TMEM150C: variants seen among roughly 807,000 people sequenced by gnomAD.
The protein encoded by TMEM150C is transmembrane protein 150C, also known as tentonin 3.
A neutral mutation model predicts 29.9 loss-of-function variants in TMEM150C; 10 were observed. That is an observed-to-expected ratio of 0.33 (90% CI 0.21 to 0.57). The LOEUF is 0.57. TMEM150C is among the 20% of genes least tolerant of loss of function. The pLI, the probability that TMEM150C is intolerant of heterozygous loss-of-function variation, is 0.88. For missense variants in TMEM150C, 251 were observed against 303.6 expected (o/e 0.83, Z 1.29); for synonymous variants, 101 against 112.5 (o/e 0.90, Z 0.64).
chr4:82,515,130 T>G (rs1192695845), intron 1 of TMEM150C, among the ~76,000 whole-genome samples: 1 of 151,860 alleles, frequency 6.6e-6, no homozygotes, highest in Non-Finnish European at 1.5e-5. Context: ...GAGGTGACAC[T>G]AACTTAACAG....
At chr4:82,531,066 A>G (rs1724830635) in intron 1 of TMEM150C, among the ~76,000 whole-genome samples, 3 of 152,210 alleles carry the variant, frequency 2.0e-5, no homozygotes, top group South Asian at 4.1e-4. Flanking sequence ...TTGGGTGGCG[A>G]CACAGATCCA....
At position 82,561,946 on chromosome 4, in the gene TMEM150C, G is replaced by C; in HGVS notation, c.-51C>G. 9.1e-7 allele frequency: 1 copy of C among 1,095,022 alleles called. No individual in the cohort carries two copies. Among genetic ancestry groups the C allele is most frequent in the Non-Finnish European group, 1.1e-6 (1 of 894,910 alleles). 67.8% of individuals were successfully genotyped at this position (1,095,022 alleles called of 1,614,324 possible). A position where few individuals can be genotyped will look rare whatever the true frequency, so the allele number is the denominator to read the frequency against. ...GGGGCCGCTGTCGCCTCGAGGGGCT[G>C]TGACCTGCTGCGGTGGCGGCGGCGG... On this transcript the variant is annotated 5_prime_UTR_variant, in exon 1 of 8. Transcript: ENST00000449862.
Position 82,504,639 on chromosome 4 carries a change from T to C in TMEM150C, c.19A>G (p.Ser7Gly), listed in dbSNP as rs1366635751. The part of the protein sequence containing the change: MDGKKC[S>G]VWMFLPLVFT... ...ACAAGAGGTAGGAACATCCATACGC[T>C]GCATTTCTTCCCATCCATGCCTGTA... Residue 7 changes from serine to glycine, a missense_variant, in exon 2 of 8, where the codon AGC becomes GGC. Coordinates refer to ENST00000449862, the MANE Select transcript of TMEM150C (RefSeq NM_001080506.3). 6.2e-7 allele frequency: 1 copy of C among 1,613,712 alleles called. No homozygotes were observed. The highest frequency in any genetic ancestry group is 2.2e-5 in the East Asian group (1 of 44,878).
At chr4:82,511,219 C>T (rs1210088183) in intron 1 of TMEM150C, among the ~76,000 whole-genome samples, 1 of 152,154 alleles carries the variant, frequency 6.6e-6, no homozygotes, top group African/African-American at 2.4e-5. Flanking sequence ...CCTGTTCCTA[C>T]AACATTTTTC....
chr4:82,511,381 T>C (rs555141599), intron 1 of TMEM150C, among the ~76,000 whole-genome samples: 1 of 152,058 alleles, frequency 6.6e-6, no homozygotes, highest in African/African-American at 2.4e-5. Context: ...ATTCAACTGA[T>C]AGATGACTAT....
At position 82,535,265 on chromosome 4, in the gene TMEM150C, G is replaced by C. The variant is rs559179766; in HGVS notation, c.-11+26641C>G. Among the ~76,000 whole-genome samples the C allele has an allele frequency of 2.0e-5, 3 of 152,298 alleles. No homozygotes were observed. The South Asian group carries it at 6.2e-4, about 32-fold the overall frequency. On this transcript the variant is annotated intron_variant, in intron 1 of 7. Coordinates refer to ENST00000449862, the MANE Select transcript of TMEM150C (RefSeq NM_001080506.3). ...TTGTGAGGGCTTTCTTGCAGGGAAA[G>C]AATATGGCAGAAGGTGTCAAATGGT...
At chr4:82,531,527 G>A (rs745827988) in intron 1 of TMEM150C, among the ~76,000 whole-genome samples, 24 of 152,116 alleles carry the variant, frequency 1.6e-4, no homozygotes, top group Non-Finnish European at 2.9e-4. Flanking sequence ...GGCCAAGGTG[G>A]GTGGATCACC....
intron 1 of TMEM150C, among the ~76,000 whole-genome samples, chr4:82,561,652 G>C (rs1725934811): frequency 6.8e-6 from 1 of 147,716 alleles, no homozygotes; most frequent in African/African-American, 2.4e-5. Flanking sequence ...TCGCGGGGCA[G>C]AGCCGGCACC....
At chr4:82,507,951 T>A (rs1723994006) in intron 1 of TMEM150C, among the ~76,000 whole-genome samples, 1 of 151,854 alleles carries the variant, frequency 6.6e-6, no homozygotes, top group African/African-American at 2.4e-5. Flanking sequence ...TTTCACTACG[T>A]TGCCCAAGCT....
intron 1 of TMEM150C, among the ~76,000 whole-genome samples, chr4:82,506,054 T>A (rs1723909003): frequency 6.6e-6 from 1 of 152,192 alleles, no homozygotes; most frequent in African/African-American, 2.4e-5. Context: ...TGCTCTTTAT[T>A]TTGAGTTTTA....
chr4:82,538,090 G>A (rs1016523717), intron 1 of TMEM150C, among the ~76,000 whole-genome samples: 5 of 152,040 alleles, frequency 3.3e-5, no homozygotes, highest in African/African-American at 4.8e-5. Flanking sequence ...ACAGAGTCTC[G>A]CTCTGTCACC....
rs534277369 is a variant in TMEM150C at position 82,535,347 on chromosome 4, C to A, written c.-11+26559G>T. ...AGGGCTGAACTTCCATGACAACTAACCCACTCTCTCAATAGCAGCATTAAT... is the reference window on the plus strand; with the variant it reads ...AGGGCTGAACTTCCATGACAACTAAACCACTCTCTCAATAGCAGCATTAAT... On this transcript the variant is annotated intron_variant, in intron 1 of 7. Transcript: ENST00000449862. Among the ~76,000 whole-genome samples the A allele has an allele frequency of 2.8e-3, 422 of 152,266 alleles. 4 individuals are homozygous for A. The highest frequency in any genetic ancestry group is 5.2e-3 in the Non-Finnish European group (355 of 68,010).
At chr4:82,501,459 G>C (rs1426565684) in intron 5 of TMEM150C, among the ~76,000 whole-genome samples, 1 of 152,204 alleles carries the variant, frequency 6.6e-6, no homozygotes, top group East Asian at 1.9e-4. Flanking sequence ...AGCAGCCCAG[G>C]CTTTCCGGAC....
At chr4:82,511,969 A>G (rs1166930774) in intron 1 of TMEM150C, among the ~76,000 whole-genome samples, 1 of 152,226 alleles carries the variant, frequency 6.6e-6, no homozygotes, top group East Asian at 1.9e-4. Flanking sequence ...CTTAGCTAAT[A>G]GAAGTCTAAT....
chr4:82,553,246 C>A (rs986071703), intron 1 of TMEM150C, among the ~76,000 whole-genome samples: 1 of 152,034 alleles, frequency 6.6e-6, no homozygotes. Flanking sequence ...TGCCCTAAGA[C>A]AAAAACATTT....
At position 82,487,377 on chromosome 4, in the gene TMEM150C, A is replaced by G. The variant is rs546974626; in HGVS notation, c.542-1658T>C. ...GATGGGAGGATGGCTTGAACCCAGG[A>G]GGTGGAGGTTGCAGTGAGCCAATAT... On this transcript the variant is annotated intron_variant, in intron 7 of 7. Transcript: ENST00000449862. 1.7e-4 allele frequency among the ~76,000 whole-genome samples: 26 copies of G among 152,294 alleles called. No homozygotes were observed. In the South Asian group the frequency reaches 5.4e-3, roughly 32 times the overall value.
At chr4:82,490,021 A>T (rs1441571859) in intron 7 of TMEM150C, 40 bp downstream of exon 7, 4 of 1,593,934 alleles carry the variant, frequency 2.5e-6, no homozygotes, top group Admixed American at 1.7e-5. Flanking sequence ...ACTTGTTTTC[A>T]TCTTACTGGC....
chr4:82,484,613 T>G lies in TMEM150C; in HGVS notation c.*898A>C, dbSNP rs542343724. ...TTAGCTTCCCACGTAAGCCTGCAGG[T>G]GACCTCAGTTTTTCTTTGATCATGG... On this transcript the variant is annotated 3_prime_UTR_variant, in exon 8 of 8. Transcript: ENST00000449862. 3.9e-5 allele frequency: 6 copies of G among 152,298 alleles called. 1 individual carries two copies. The South Asian group carries it at 1.2e-3, about 32-fold the overall frequency. The allele number at this position is 152,298 out of a possible 1,614,324, so 9.4% of individuals were successfully genotyped here.
rs1215742065 is a variant in TMEM150C at position 82,502,757 on chromosome 4, T to C, written c.205A>G (p.Ser69Gly). Residue 69 changes from serine (S) to glycine (G), a missense_variant, in exon 5 of 8, where the codon AGT becomes GGT. Transcript: ENST00000449862. ...AAGGCTGCCATGTTCATAACTTGACTAAACACACAGCTTGCAGGAGGATCA... is the reference window on the plus strand; with the variant it reads ...AAGGCTGCCATGTTCATAACTTGACCAAACACACAGCTTGCAGGAGGATCA... Reference protein sequence around the residue: ...GDDPPASCVFSQVMNMAAFLA... With the variant: ...GDDPPASCVFGQVMNMAAFLA... 6.2e-7 allele frequency: 1 copy of C among 1,610,022 alleles called. No individual in the cohort carries two copies. Among genetic ancestry groups the C allele is most frequent in the East Asian group, 2.2e-5 (1 of 44,828 alleles).
Sources: allele counts gnomAD v4.1 joint callset (sites outside exome capture counted in the v4.1 genomes callset), GRCh38; gene constraint gnomAD v4.1.1; transcripts MANE v1.5; gene names NCBI Gene and HGNC (gene_info 2026-07-23, HGNC 2026-07-21).